Variants in MYO10 observed in about 807,000 individuals in gnomAD.
MYO10 encodes the protein myosin X.
Under a neutral mutation model 257.3 loss-of-function variants are expected in MYO10, and 133 were observed. That is an observed-to-expected ratio of 0.52 (90% CI 0.45 to 0.60). The LOEUF (loss-of-function observed/expected upper bound fraction) is 0.60, where lower values mean the gene tolerates loss of function less well. MYO10 is among the 20% of genes least tolerant of loss of function. The pLI is 0.00. For missense variants in MYO10, 2,399 were observed against 2,635.7 expected (o/e 0.91, Z 1.97); for synonymous variants, 1,104 against 1,028.6 (o/e 1.07, Z -1.40).
At chr5:16,713,702 G>A (rs1738725351) in intron 19 of MYO10, among the ~76,000 whole-genome samples, 1 of 152,142 alleles carries the variant, frequency 6.6e-6, no homozygotes, top group South Asian at 2.1e-4. Flanking sequence ...CAATCACGAG[G>A]GGGTAGATCT....
Position 16,701,455 on chromosome 5 carries a change from G to T in MYO10, c.2940C>A (p.Pro980=). The change falls in exon 25 of 41, where the codon CCC becomes CCA. Residue 980 remains proline, a synonymous_variant. Coordinates refer to ENST00000513610, the MANE Select transcript of MYO10 (RefSeq NM_012334.3). This position sits in a 1 kb window ranked among gnomAD's most constrained non-coding sequence, Gnocchi z 8.1. Reference sequence around the variant, plus strand: ...GGTAGGGCTGGCTGAAGTTGAAGTTGGGCTTCTCCTCGCATGCGCTCTCAG... The same window carrying T: ...GGTAGGGCTGGCTGAAGTTGAAGTTTGGCTTCTCCTCGCATGCGCTCTCAG... The part of the protein sequence containing the change: ...ELAESACEEK[P]NFNFSQPYPE... 6.2e-7 allele frequency: 1 copy of T among 1,613,962 alleles called. No homozygotes were observed. Among genetic ancestry groups the T allele is most frequent in the Non-Finnish European group, 8.5e-7 (1 of 1,179,890 alleles).
chr5:16,699,304 G>C, intron 26 of MYO10, 146 bp downstream of exon 26: 1 of 1,057,428 alleles, frequency 9.5e-7, no homozygotes. Context: ...ACTGAGGTAA[G>C]GGTAGGTAGA....
At chr5:16,736,388 C>T (rs1739803591) in intron 19 of MYO10, among the ~76,000 whole-genome samples, 1 of 152,356 alleles carries the variant, frequency 6.6e-6, no homozygotes, top group Non-Finnish European at 1.5e-5. Flanking sequence ...AGTGGCCCAT[C>T]TGCTGATGCA....
intron 18 of MYO10, 119 bp downstream of exon 18, chr5:16,757,999 A>T: frequency 1.3e-6 from 1 of 790,092 alleles, no homozygotes; most frequent in Non-Finnish European, 2.1e-6. Flanking sequence ...AAAGCATGAT[A>T]TAAAAGGAAA....
intron 1 of MYO10, among the ~76,000 whole-genome samples, chr5:16,917,120 A>G (rs1248661410): frequency 6.6e-6 from 1 of 152,210 alleles, no homozygotes; most frequent in Non-Finnish European, 1.5e-5. Context: ...TAAAACAAAC[A>G]TATAACTATA....
At chr5:16,712,759 T>C (rs1017537954) in intron 19 of MYO10, among the ~76,000 whole-genome samples, 1 of 152,238 alleles carries the variant, frequency 6.6e-6, no homozygotes, top group African/African-American at 2.4e-5. Context: ...ACAAACACTG[T>C]GGTCAAATTG....
chr5:16,675,074 G>A lies in MYO10; in HGVS notation c.4743C>T (p.Ser1581=), dbSNP rs374826341. 2.3e-5 allele frequency: 37 copies of A among 1,613,946 alleles called. No individual in the cohort carries two copies. In the African/African-American group the frequency reaches 4.4e-4, roughly 19 times the overall value. ...KIFNSLQQLE[S]MSDPIPIIQG... is the part of the protein sequence containing the mutation. ...GGATTATTGGAATTGGGTCAGACAT[G>A]GACTCCAGTTGCTGCAGGGAATTGA... The change falls in exon 35 of 41, where the codon TCC becomes TCT. Residue 1581 remains serine (S), a synonymous_variant. Transcript: ENST00000513610.
chr5:16,929,091 T>TAC (rs1327307512), intron 1 of MYO10, among the ~76,000 whole-genome samples: 2 of 151,574 alleles, frequency 1.3e-5, no homozygotes, highest in Admixed American at 1.3e-4. Context: ...TAGCTGGGAC[T>TAC]ACAGGTGCCC....
rs772543132 is a variant in MYO10 at position 16,783,364 on chromosome 5, G to A, written c.573C>T (p.Ser191=). 3 of 1,596,816 alleles carry A rather than the reference G, an allele frequency of 1.9e-6. No individual in the cohort carries two copies. Among genetic ancestry groups the A allele is most frequent in the Admixed American group, 3.5e-5 (2 of 56,972 alleles). ...SLELSLKEKT[S]CVERAILESS... Reference sequence around the variant, plus strand: ...TTTCAAGAATAGCTCGTTCAACACAGGATGTCTTCTCCTTTAAGGACAATT... The same window carrying A: ...TTTCAAGAATAGCTCGTTCAACACAAGATGTCTTCTCCTTTAAGGACAATT... The change falls in exon 5 of 41, where the codon TCC becomes TCT. Residue 191 remains serine (S), a synonymous_variant. Coordinates refer to ENST00000513610, the MANE Select transcript of MYO10 (RefSeq NM_012334.3).
rs183003205 is a variant in MYO10 at position 16,751,889 on chromosome 5, G to T, written c.1929+2939C>A. On this transcript the variant is annotated intron_variant, in intron 19 of 40. Coordinates refer to ENST00000513610, the MANE Select transcript of MYO10 (RefSeq NM_012334.3). ...CCATACTTCAGGACATGTAAAGTGAGCCAATACAAATGCAAACGTGAGGTT... is the reference window on the plus strand; with the variant it reads ...CCATACTTCAGGACATGTAAAGTGATCCAATACAAATGCAAACGTGAGGTT... 1.2e-3 allele frequency among the ~76,000 whole-genome samples: 182 copies of T among 152,228 alleles called. 1 individual carries two copies. Among genetic ancestry groups the T allele is most frequent in the African/African-American group, 4.1e-3 (171 of 41,550 alleles).
At chr5:16,894,783 G>A (rs777720020) in intron 1 of MYO10, among the ~76,000 whole-genome samples, 2 of 152,154 alleles carry the variant, frequency 1.3e-5, no homozygotes, top group African/African-American at 2.4e-5. Flanking sequence ...TGGAGCCTGC[G>A]GTGTTGGAGG....
chr5:16,751,714 G>C (rs1410764987), intron 19 of MYO10, among the ~76,000 whole-genome samples: 1 of 148,374 alleles, frequency 6.7e-6, no homozygotes, highest in African/African-American at 2.5e-5. Flanking sequence ...CTCCAATTCC[G>C]CCCATCTTGG....
intron 33 of MYO10, among the ~76,000 whole-genome samples, chr5:16,677,538 C>T (rs1490626461): frequency 6.6e-6 from 1 of 151,002 alleles, no homozygotes; most frequent in African/African-American, 2.4e-5. Context: ...GCCTCAGCCT[C>T]CCGAGTAGCT....
chr5:16,761,960 T>A, intron 16 of MYO10, 85 bp downstream of exon 16: 1 of 1,372,014 alleles, frequency 7.3e-7, no homozygotes, highest in Non-Finnish European at 9.7e-7. Flanking sequence ...CCCAGCCCAA[T>A]AAATTCATGA....
intron 18 of MYO10, among the ~76,000 whole-genome samples, chr5:16,757,292 ACACACACAAACACACACACACACG>A (rs1398075693): frequency 3.9e-5 from 3 of 77,482 alleles, no homozygotes; most frequent in Admixed American, 3.8e-4. Context: ...CCTGTCTCAC[ACACACACAAACACACACACACACG>A]CACACACACA....
At chr5:16,842,432 G>A (rs982546073) in intron 2 of MYO10, among the ~76,000 whole-genome samples, 4 of 152,146 alleles carry the variant, frequency 2.6e-5, no homozygotes, top group African/African-American at 9.7e-5. Context: ...AGGGAGCCCA[G>A]CTCCACCAGG....
intron 19 of MYO10, 97 bp from the exon 20 acceptor site, chr5:16,711,342 G>T (rs27552): frequency 0.78 from 978,141 of 1,251,298 alleles, 384,594 homozygotes; most frequent in East Asian, 0.82. Context: ...GGTTTACCCC[G>T]CTTCAAAACA....
At chr5:16,846,779 T>C (rs1156431540) in intron 2 of MYO10, among the ~76,000 whole-genome samples, 1 of 152,144 alleles carries the variant, frequency 6.6e-6, no homozygotes, top group African/African-American at 2.4e-5. Flanking sequence ...CCTAGAAAGG[T>C]AAGTATTGCC....
At chr5:16,808,674 T>A (rs76294653) in intron 3 of MYO10, among the ~76,000 whole-genome samples, 8 of 152,172 alleles carry the variant, frequency 5.3e-5, no homozygotes, top group East Asian at 1.9e-4. Flanking sequence ...ATGTATCTTT[T>A]TTATTATTAT....
Sources: allele counts gnomAD v4.1 joint callset (sites outside exome capture counted in the v4.1 genomes callset), GRCh38; gene constraint gnomAD v4.1.1; non-coding constraint Gnocchi (gnomAD v3.1); transcripts MANE v1.5; gene names NCBI Gene and HGNC (gene_info 2026-07-23, HGNC 2026-07-21).